Variants in NAALAD2 observed in about 807,000 individuals in gnomAD.
NAALAD2 encodes N-acetylated alpha-linked acidic dipeptidase 2, also known as N-acetylated-alpha-linked acidic dipeptidase 2.
NAALAD2 carries 89 observed loss-of-function variants against 95.6 expected under a neutral mutation model. The ratio of observed to expected loss-of-function variants is 0.93; its 90% CI spans 0.78 to 1.11. The LOEUF is 1.11. Ranked by LOEUF, NAALAD2 falls within the 50% of genes least tolerant of loss-of-function variation. The pLI is 0.00. For missense variants in NAALAD2, 894 were observed against 872.4 expected, an observed-to-expected ratio of 1.02 and a Z score of -0.31; for synonymous variants, 264 against 294.4, an observed-to-expected ratio of 0.90 and a Z score of 1.06.
intron 11 of NAALAD2, among the ~76,000 whole-genome samples, chr11:90,167,307 G>T (rs1020421455): frequency 6.6e-6 from 1 of 152,178 alleles, no homozygotes; most frequent in Non-Finnish European, 1.5e-5. Context: ...GCAAGCCCGG[G>T]GCAGTAAGGG....
chr11:90,157,262 A>C (rs1302786287), intron 6 of NAALAD2, among the ~76,000 whole-genome samples: 2 of 152,192 alleles, frequency 1.3e-5, no homozygotes. Context: ...TTATTTTTAA[A>C]GTGTTTCATT....
intron 18 of NAALAD2, among the ~76,000 whole-genome samples, chr11:90,184,846 G>T (rs2134990167): frequency 6.6e-6 from 1 of 152,006 alleles, no homozygotes; most frequent in East Asian, 1.9e-4. Flanking sequence ...TTCATCAACT[G>T]CAGATAGAAT....
intron 11 of NAALAD2, among the ~76,000 whole-genome samples, chr11:90,167,784 G>GTTCA (rs1198217311): frequency 6.6e-6 from 1 of 152,100 alleles, no homozygotes; most frequent in Admixed American, 6.6e-5. Context: ...TGGGGACGTG[G>GTTCA]GGAAAGAACT....
upstream of NAALAD2, chr11:90,131,931 G>A (rs1363589712): frequency 3.3e-5 from 5 of 151,992 alleles, no homozygotes; most frequent in Admixed American, 3.3e-4. Flanking sequence ...TATTAGCTTT[G>A]ATGGAGAAAT....
At chr11:90,167,778 G>A (rs1665821698) in intron 11 of NAALAD2, among the ~76,000 whole-genome samples, 3 of 152,090 alleles carry the variant, frequency 2.0e-5, no homozygotes, top group Admixed American at 2.0e-4. Flanking sequence ...ATCTAGTGGG[G>A]ACGTGGGGAA....
chr11:90,145,005 G>A (rs1257339139), intron 2 of NAALAD2, among the ~76,000 whole-genome samples: 1 of 152,010 alleles, frequency 6.6e-6, no homozygotes, highest in Non-Finnish European at 1.5e-5. Flanking sequence ...TTCAGTAAAG[G>A]TTACCTTCCT....
chr11:90,181,069 A>T (rs1490333130), intron 16 of NAALAD2, among the ~76,000 whole-genome samples: 2 of 152,128 alleles, frequency 1.3e-5, no homozygotes, highest in Admixed American at 1.3e-4. Context: ...ATACTGAGGT[A>T]TGACTGTACT....
chr11:90,155,382 A>AT, intron 6 of NAALAD2, among the ~76,000 whole-genome samples: 1 of 82,296 alleles, frequency 1.2e-5, no homozygotes, highest in Non-Finnish European at 2.1e-5. Context: ...ATTACATATT[A>AT]TACATGTAAT....
chr11:90,153,157 A>T (rs577127969), intron 6 of NAALAD2, among the ~76,000 whole-genome samples: 27 of 152,098 alleles, frequency 1.8e-4, no homozygotes, highest in Non-Finnish European at 4.0e-4. Context: ...TATTCCCTTG[A>T]ATGGCTATAG....
Position 90,134,849 on chromosome 11 carries a change from A to G in NAALAD2, c.82+9A>G. ...GATGGGATTTATGGTGGGTAAGTGA[A>G]CAAAACACTCTACCCCGACTCCGGG... On this transcript the variant is annotated intron_variant, in intron 1 of 18. Coordinates refer to ENST00000534061, the MANE Select transcript of NAALAD2 (RefSeq NM_005467.4). The G allele has an allele frequency of 6.2e-7, 1 of 1,613,730 alleles. No individual in the cohort carries two copies. The highest frequency in any genetic ancestry group is 8.5e-7 in the Non-Finnish European group (1 of 1,179,678).
rs566034083 is a variant in NAALAD2, at chr11:90,142,757, G to T, written c.195-4573G>T. The stretch of plus-strand genomic sequence containing the variant: ...TTAAACTTAAGTCTGCCACTTTTTG[G>T]TTTGTTTTCTGTTTTCTTTCTGTAC... On this transcript the variant is annotated intron_variant, in intron 2 of 18. Coordinates refer to ENST00000534061, the MANE Select transcript of NAALAD2 (RefSeq NM_005467.4). Among the ~76,000 whole-genome samples, 5 of 151,872 alleles carry T rather than the reference G, an allele frequency of 3.3e-5. No homozygotes were observed. In the South Asian group the frequency reaches 1.0e-3, roughly 31 times the overall value.
At chr11:90,155,335 AT>A (rs1298030309) in intron 6 of NAALAD2, among the ~76,000 whole-genome samples, 1 of 115,210 alleles carries the variant, frequency 8.7e-6, no homozygotes, top group South Asian at 2.6e-4. Context: ...ATAATGTATA[AT>A]TATATATATT....
chr11:90,158,103 G>C, intron 6 of NAALAD2, 42 bp from the exon 7 acceptor site: 1 of 1,416,716 alleles, frequency 7.1e-7, no homozygotes, highest in Non-Finnish European at 9.9e-7. Flanking sequence ...CTCTTGCTCA[G>C]ATTTTTAAAT....
intron 2 of NAALAD2, among the ~76,000 whole-genome samples, chr11:90,143,364 G>A (rs1318800154): frequency 1.3e-5 from 2 of 151,956 alleles, no homozygotes; most frequent in African/African-American, 4.8e-5. Flanking sequence ...TAGAATTCTG[G>A]GTTGACTCCG....
At chr11:90,160,104 A>G (rs536834978) in intron 8 of NAALAD2, among the ~76,000 whole-genome samples, 71 of 152,284 alleles carry the variant, frequency 4.7e-4, no homozygotes, top group African/African-American at 1.7e-3. Context: ...TATAAGCCTC[A>G]ATAGAATTAA....
intron 18 of NAALAD2, among the ~76,000 whole-genome samples, chr11:90,183,378 T>C (rs1244641323): frequency 1.3e-5 from 2 of 152,140 alleles, no homozygotes; most frequent in Non-Finnish European, 2.9e-5. Flanking sequence ...ATGAGAAGCT[T>C]ACTACTTCAT....
intron 2 of NAALAD2, 59 bp downstream of exon 2, chr11:90,135,729 G>A (rs1166176681): frequency 1.4e-6 from 2 of 1,388,596 alleles, no homozygotes; most frequent in Non-Finnish European, 1.0e-6. Context: ...ACAGTGAGAA[G>A]CATATTATAC....
chr11:90,181,263 G>A (rs1192931162), intron 16 of NAALAD2, among the ~76,000 whole-genome samples: 2 of 151,896 alleles, frequency 1.3e-5, no homozygotes, highest in South Asian at 2.1e-4. Flanking sequence ...AATAATTACA[G>A]AATCATATCC....
At chr11:90,156,381 T>C (rs913563324) in intron 6 of NAALAD2, among the ~76,000 whole-genome samples, 3 of 152,132 alleles carry the variant, frequency 2.0e-5, no homozygotes, top group African/African-American at 7.2e-5. Flanking sequence ...ATTTCTTAGA[T>C]GTCTGCTGTG....
Sources: allele counts gnomAD v4.1 joint callset (sites outside exome capture counted in the v4.1 genomes callset), GRCh38; gene constraint gnomAD v4.1.1; transcripts MANE v1.5; gene names NCBI Gene and HGNC (gene_info 2026-07-23, HGNC 2026-07-21).